The following GOLGA1 variants were observed in gnomAD, a reference collection of about 807,000 sequenced individuals.
GOLGA1 encodes the protein golgin subfamily A member 1.
A neutral mutation model predicts 119.7 loss-of-function variants in GOLGA1; 63 were observed. The observed-to-expected ratio is 0.53, with a 90% confidence interval of 0.43 to 0.65. The LOEUF (loss-of-function observed/expected upper bound fraction) is 0.65, where lower values mean the gene tolerates loss of function less well. GOLGA1 is among the 30% of genes least tolerant of loss of function. The pLI, the probability that GOLGA1 is intolerant of heterozygous loss-of-function variation, is 0.00. For synonymous variants in GOLGA1, 318 were observed against 333.4 expected (o/e 0.95, Z 0.50); for missense variants, 798 against 912.8 (o/e 0.87, Z 1.62).
In GOLGA1 at chr9:124,889,159, G is replaced by C. The variant is rs749195333; in HGVS notation, c.1745C>G (p.Ser582Ter). 2 of 1,610,860 alleles carry C rather than the reference G, an allele frequency of 1.2e-6. No homozygotes were observed. Among genetic ancestry groups the C allele is most frequent in the Non-Finnish European group, 1.7e-6 (2 of 1,179,116 alleles). ...LRGPLQAEAL[S>*]VNESHVTSRA... ...GGGACTTACGTGCGACTCATTGACT[G>C]AGAGTGCTTCGGCCTGCAATGGGCC... Residue 582 changes from serine to a stop codon, truncating the protein, a stop_gained, in exon 18 of 23, where the codon TCA becomes TGA. Transcript: ENST00000373555. LOFTEE classifies it high-confidence loss of function.
chr9:124,884,760 T>A (rs1349327804), intron 19 of GOLGA1, among the ~76,000 whole-genome samples: 1 of 152,202 alleles, frequency 6.6e-6, no homozygotes. Context: ...CAAAAGTACA[T>A]TGGCTACTTT....
rs530165203 is a variant in GOLGA1, at chr9:124,889,136, G to A, written c.1761+7C>T. On this transcript the variant is annotated splice_region_variant and intron_variant, in intron 18 of 22. Transcript: ENST00000373555. ...GTAGCACCCATGCAGGTGCAGCTGGGACTTACGTGCGACTCATTGACTGAG... is the reference window on the plus strand; with the variant it reads ...GTAGCACCCATGCAGGTGCAGCTGGAACTTACGTGCGACTCATTGACTGAG... The A allele has an allele frequency of 4.6e-5, 74 of 1,602,348 alleles. No homozygotes were observed. The South Asian group carries it at 8.2e-4, about 18-fold the overall frequency.
At chr9:124,896,211 C>G (rs1399456068) in intron 15 of GOLGA1, among the ~76,000 whole-genome samples, 1 of 151,164 alleles carries the variant, frequency 6.6e-6, no homozygotes, top group Non-Finnish European at 1.5e-5. Context: ...GTCAGGAGTT[C>G]GAGACCAGCC....
intron 10 of GOLGA1, among the ~76,000 whole-genome samples, chr9:124,914,641 T>C (rs1434039627): frequency 6.6e-6 from 1 of 152,258 alleles, no homozygotes; most frequent in African/African-American, 2.4e-5. Context: ...AAGGGAACGC[T>C]GCAAGCACTT....
intron 12 of GOLGA1, among the ~76,000 whole-genome samples, chr9:124,903,317 A>C (rs532218491): frequency 6.6e-6 from 1 of 152,180 alleles, no homozygotes; most frequent in East Asian, 1.9e-4. Flanking sequence ...GCAAAACCCT[A>C]TCTCTGCTAA....
intron 15 of GOLGA1, among the ~76,000 whole-genome samples, chr9:124,898,226 G>C (rs890777909): frequency 7.2e-5 from 11 of 152,220 alleles, no homozygotes; most frequent in Admixed American, 6.5e-4. Flanking sequence ...AGCAGCTGTT[G>C]ATTCCACAGA....
intron 10 of GOLGA1, among the ~76,000 whole-genome samples, chr9:124,915,623 G>T (rs1226207747): frequency 6.6e-6 from 1 of 152,074 alleles, no homozygotes; most frequent in Non-Finnish European, 1.5e-5. Context: ...GCCGAGGCAG[G>T]AGGCTTGCTT....
At chr9:124,911,022 G>A (rs1263121373) in intron 11 of GOLGA1, among the ~76,000 whole-genome samples, 1 of 152,208 alleles carries the variant, frequency 6.6e-6, no homozygotes, top group Non-Finnish European at 1.5e-5. Flanking sequence ...TGGACATTCT[G>A]ATTCTAGAAA....
In GOLGA1 at chr9:124,908,474, TG is replaced by T; in HGVS notation, c.970-3del. 1 of 1,541,850 alleles carries T rather than the reference TG, an allele frequency of 6.5e-7. No individual in the cohort carries two copies. Among genetic ancestry groups the T allele is most frequent in the South Asian group, 1.1e-5 (1 of 89,626 alleles). On this transcript the variant is annotated splice_polypyrimidine_tract_variant and splice_region_variant and intron_variant, in intron 11 of 22. Coordinates refer to ENST00000373555, the MANE Select transcript of GOLGA1 (RefSeq NM_002077.4). ...CAAATTCTGCTCAGCAAGTGTTTTCTGTAAGTTGAAAGAAGAGTAAAAGAAG... is the reference window on the plus strand; with the variant it reads ...CAAATTCTGCTCAGCAAGTGTTTTCTTAAGTTGAAAGAAGAGTAAAAGAAG...
intron 10 of GOLGA1, among the ~76,000 whole-genome samples, chr9:124,915,700 T>C (rs1487556357): frequency 6.6e-6 from 1 of 151,826 alleles, no homozygotes; most frequent in Non-Finnish European, 1.5e-5. Flanking sequence ...AGTAAAAAAA[T>C]TGAAAACAAA....
In GOLGA1 at chr9:124,881,082, G is replaced by A; in HGVS notation, c.2223+89C>T. The stretch of plus-strand genomic sequence containing the variant: ...GCAGCTGTGCTGGTGCCTACACTCG[G>A]GTGTGGGTCTAAGGGGTCTTACACT... On this transcript the variant is annotated intron_variant, in intron 22 of 22. Transcript: ENST00000373555. This position sits in a 1 kb window ranked among gnomAD's most constrained non-coding sequence, Gnocchi z 4.9. 3 of 783,808 alleles carry A rather than the reference G, an allele frequency of 3.8e-6. No homozygotes were observed. The highest frequency in any genetic ancestry group is 3.5e-5 in the Admixed American group (2 of 56,378). 48.6% of individuals were successfully genotyped at this position (783,808 alleles called of 1,614,324 possible).
At chr9:124,890,229 A>G (rs1411682775) in intron 16 of GOLGA1, among the ~76,000 whole-genome samples, 160 bp downstream of exon 16, 1 of 152,138 alleles carries the variant, frequency 6.6e-6, no homozygotes, top group African/African-American at 2.4e-5. Flanking sequence ...AGCTTCCTAG[A>G]GAGCACAGGG....
intron 15 of GOLGA1, among the ~76,000 whole-genome samples, chr9:124,890,742 C>T (rs1162509301): frequency 1.3e-5 from 2 of 152,222 alleles, no homozygotes; most frequent in African/African-American, 2.4e-5. Context: ...CCAGGACCCA[C>T]ACCAAGGCTA....
chr9:124,938,010 G>C (rs1440284920), intron 3 of GOLGA1, among the ~76,000 whole-genome samples: 1 of 150,764 alleles, frequency 6.6e-6, no homozygotes, highest in East Asian at 2.0e-4. Context: ...TTGAGCCCCA[G>C]AGGCAGAGGT....
At chr9:124,891,938 C>T (rs1829865226) in intron 15 of GOLGA1, among the ~76,000 whole-genome samples, 1 of 150,892 alleles carries the variant, frequency 6.6e-6, no homozygotes, top group African/African-American at 2.4e-5. Flanking sequence ...AGCCACTGCG[C>T]CCAGCCTCCC....
In GOLGA1 at chr9:124,889,040, C is replaced by T. The variant is rs191651955; in HGVS notation, c.1761+103G>A. On this transcript the variant is annotated intron_variant, in intron 18 of 22. Transcript: ENST00000373555. ...AGAAAGGACCCTACATGCAGGGGAG[C>T]GTCGTGTCCACCATGTGTCCCCACT... 1.6e-5 allele frequency: 14 copies of T among 855,060 alleles called. No homozygotes were observed. The Admixed American group carries it at 2.0e-4, about 12-fold the overall frequency. The allele number at this position is 855,060 out of a possible 1,614,324, so 53.0% of individuals were successfully genotyped here. A position where few individuals can be genotyped will look rare whatever the true frequency, so the allele number is the denominator to read the frequency against.
chr9:124,886,066 T>C (rs1006712265), intron 19 of GOLGA1, among the ~76,000 whole-genome samples: 8 of 152,178 alleles, frequency 5.3e-5, no homozygotes, highest in African/African-American at 1.9e-4. Flanking sequence ...TGCCGTCTAC[T>C]GAGATGGGAA....
intron 15 of GOLGA1, among the ~76,000 whole-genome samples, chr9:124,895,498 C>T (rs1254303653): frequency 5.4e-5 from 8 of 149,120 alleles, no homozygotes; most frequent in African/African-American, 1.7e-4. Flanking sequence ...AACAGAGAAC[C>T]CTCCACAACA....
intron 4 of GOLGA1, among the ~76,000 whole-genome samples, chr9:124,930,659 A>G (rs1830755088): frequency 6.6e-6 from 1 of 152,262 alleles, no homozygotes; most frequent in Non-Finnish European, 1.5e-5. Context: ...ACAAAAAGAG[A>G]CACAGAAGCC....
Sources: gnomAD v4.1 joint callset for allele counts (sites outside exome capture counted in the v4.1 genomes callset) on GRCh38, gnomAD v4.1.1 for gene constraint, Gnocchi (gnomAD v3.1) non-coding constraint, MANE v1.5 for transcripts, NCBI Gene and HGNC (gene_info 2026-07-23, HGNC 2026-07-21) for gene names.